Variants in AP1G1 observed in about 807,000 individuals in gnomAD.
AP1G1 encodes adaptor related protein complex 1 subunit gamma 1.
Under a neutral mutation model 108.3 loss-of-function variants are expected in AP1G1, and 7 were observed. The ratio of observed to expected loss-of-function variants is 0.06; its 90% CI spans 0.04 to 0.12. AP1G1 has a LOEUF of 0.12. AP1G1 is among the 10% of genes least tolerant of loss of function. The pLI, the probability that AP1G1 is intolerant of heterozygous loss-of-function variation, is 1.00. For missense variants in AP1G1, 756 were observed against 1,010.7 expected, an observed-to-expected ratio of 0.75 and a Z score of 3.42; for synonymous variants, 379 against 353.5, an observed-to-expected ratio of 1.07 and a Z score of -0.81.
chr16:71,777,765 C>T (rs1345736084), intron 2 of AP1G1: 15 of 444,196 alleles, frequency 3.4e-5, no homozygotes, highest in Non-Finnish European at 7.0e-5. Context: ...TGGCTTGCCT[C>T]CTCCTCCACC....
At chr16:71,772,786 G>T (rs574595302) in intron 4 of AP1G1, among the ~76,000 whole-genome samples, 1 of 152,134 alleles carries the variant, frequency 6.6e-6, no homozygotes, top group Non-Finnish European at 1.5e-5. Context: ...TCAGATAGAA[G>T]AATAATTCTC....
chr16:71,733,753 T>C (rs746771758), intron 22 of AP1G1, among the ~76,000 whole-genome samples: 24 of 152,194 alleles, frequency 1.6e-4, no homozygotes, highest in Non-Finnish European at 3.2e-4. Context: ...CATATACTCA[T>C]CGTACGCTCT....
At chr16:71,801,661 C>A (rs2032804706) in intron 1 of AP1G1, among the ~76,000 whole-genome samples, 1 of 152,128 alleles carries the variant, frequency 6.6e-6, no homozygotes, top group African/African-American at 2.4e-5. Context: ...CGCGGTGGGT[C>A]ACGCCTGTTA....
chr16:71,753,928 A>G, intron 12 of AP1G1, 41 bp from the exon 13 acceptor site: 1 of 1,585,044 alleles, frequency 6.3e-7, no homozygotes, highest in Non-Finnish European at 8.7e-7. Flanking sequence ...AACCAGTAAA[A>G]TATACCGTTT....
intron 7 of AP1G1, among the ~76,000 whole-genome samples, chr16:71,765,274 G>T (rs1223930014): frequency 1.3e-5 from 2 of 152,142 alleles, no homozygotes; most frequent in African/African-American, 4.8e-5. Context: ...CTGCAGTGAG[G>T]CAAGATTGTG....
In AP1G1 at chr16:71,764,689, T is replaced by C. The variant is rs2031241825; in HGVS notation, c.776A>G (p.Asn259Ser). The part of the protein sequence containing the change: ...ILRLLRILGR[N>S]DDDSSEAMND... Reference sequence around the variant, plus strand: ...CATAGCTTCACTTGAATCATCATCATTTCGTCCTAAAATTCTTAATAACCG... The same window carrying C: ...CATAGCTTCACTTGAATCATCATCACTTCGTCCTAAAATTCTTAATAACCG... Residue 259 changes from asparagine to serine, a missense_variant, in exon 8 of 23, where the codon AAT (asparagine) becomes AGT (serine). By Grantham distance (46) the Asn-to-Ser change is conservative. This residue lies in a region of AP1G1 where 304 missense variants were observed against 483.6 expected (regional missense o/e 0.63). Transcript: ENST00000299980. 6.2e-7 allele frequency: 1 copy of C among 1,611,872 alleles called. No individual in the cohort carries two copies. The highest frequency in any genetic ancestry group is 8.5e-7 in the Non-Finnish European group (1 of 1,179,432).
intron 19 of AP1G1, chr16:71,742,594 A>T (rs1056178734): frequency 2.6e-5 from 4 of 152,224 alleles, no homozygotes; most frequent in Non-Finnish European, 1.5e-5. Flanking sequence ...TAAGTCACTT[A>T]GTCTAACAAA....
chr16:71,792,411 G>C (rs1365452460), intron 1 of AP1G1, among the ~76,000 whole-genome samples: 3 of 152,106 alleles, frequency 2.0e-5, no homozygotes, highest in Non-Finnish European at 2.9e-5. Flanking sequence ...TTCTACCCTA[G>C]ATATATAAGA....
intron 12 of AP1G1, among the ~76,000 whole-genome samples, chr16:71,754,413 T>C (rs1044387257): frequency 6.6e-6 from 1 of 152,152 alleles, no homozygotes; most frequent in Non-Finnish European, 1.5e-5. Context: ...TGTCCTACAG[T>C]CTTTTCTAGG....
intron 13 of AP1G1, among the ~76,000 whole-genome samples, chr16:71,750,835 A>T (rs940289696): frequency 2.6e-5 from 4 of 152,162 alleles, no homozygotes; most frequent in East Asian, 1.9e-4. Context: ...TTACATTTTT[A>T]AATTTTATTT....
At chr16:71,787,595 C>G (rs1271789394) in intron 2 of AP1G1, among the ~76,000 whole-genome samples, 1 of 152,188 alleles carries the variant, frequency 6.6e-6, no homozygotes, top group African/African-American at 2.4e-5. Context: ...AGTCTTCTCC[C>G]TCACTAGACT....
In AP1G1 at chr16:71,746,647, C is replaced by G; in HGVS notation, c.1671G>C (p.Val557=). The change falls in exon 17 of 23, where the codon GTG becomes GTC. Residue 557 remains valine (V), a synonymous_variant. Coordinates refer to ENST00000299980, the MANE Select transcript of AP1G1 (RefSeq NM_001128.6). Reference sequence around the variant, plus strand: ...ATTCTACTGCCCTCTGCTGGAGTTCCACATCAATGCTGCTTCCGTAGATGG... The same window carrying G: ...ATTCTACTGCCCTCTGCTGGAGTTCGACATCAATGCTGCTTCCGTAGATGG... ...VVSIYGSSID[V]ELQQRAVEYN... 2 of 1,613,316 alleles carry G rather than the reference C, an allele frequency of 1.2e-6. No homozygotes were observed. The highest frequency in any genetic ancestry group is 1.7e-6 in the Non-Finnish European group (2 of 1,179,746).
intron 10 of AP1G1, among the ~76,000 whole-genome samples, chr16:71,761,117 T>C (rs953661162): frequency 1.3e-5 from 2 of 152,186 alleles, no homozygotes; most frequent in South Asian, 4.1e-4. Flanking sequence ...AATATTTTTT[T>C]CATACTAGCT....
chr16:71,759,759 CAA>C (rs920720482), intron 10 of AP1G1, among the ~76,000 whole-genome samples: 1 of 135,608 alleles, frequency 7.4e-6, no homozygotes. Context: ...GACTCTGTCT[CAA>C]AAAAAAAAAA....
intron 2 of AP1G1, chr16:71,777,970 C>A: frequency 5.6e-6 from 1 of 178,030 alleles, no homozygotes; most frequent in Non-Finnish European, 1.2e-5. Flanking sequence ...TCAGTCGGGT[C>A]AAGTTTTAAG....
chr16:71,745,895 A>C (rs932878040), intron 17 of AP1G1, among the ~76,000 whole-genome samples: 1 of 152,234 alleles, frequency 6.6e-6, no homozygotes, highest in African/African-American at 2.4e-5. Context: ...GTAAATCCAT[A>C]GGTATTAACA....
chr16:71,744,765 G>A (rs557093990), intron 19 of AP1G1, among the ~76,000 whole-genome samples: 24 of 152,024 alleles, frequency 1.6e-4, no homozygotes, highest in Admixed American at 5.9e-4. Context: ...TAGTAGAGAT[G>A]GCGTTTCACC....
rs2030865700 is a variant in AP1G1 at position 71,757,549 on chromosome 16, T to A, written c.1088+1259A>T. 2.6e-5 allele frequency among the ~76,000 whole-genome samples: 4 copies of A among 152,234 alleles called. No homozygotes were observed. The South Asian group carries it at 8.3e-4, about 31-fold the overall frequency. ...AGATATAATAACTTTTATAGGGTGC[T>A]TATGTAATTTACATATATTAATTCA... On this transcript the variant is annotated intron_variant, in intron 11 of 22. Transcript: ENST00000299980.
chr16:71,732,969 C>A lies in AP1G1; in HGVS notation c.*89G>T. On this transcript the variant is annotated 3_prime_UTR_variant, in exon 23 of 23. Coordinates refer to ENST00000299980, the MANE Select transcript of AP1G1 (RefSeq NM_001128.6). ...TCTTCAGCTCCTCATGCCCGTGGTA[C>A]AGTTGGGGGGGACTTGCCAGCAATC... The A allele has an allele frequency of 1.0e-6, 1 of 998,850 alleles. No homozygotes were observed. The allele number at this position is 998,850 out of a possible 1,614,324, so 61.9% of individuals were successfully genotyped here.
Sources: allele counts gnomAD v4.1 joint callset (sites outside exome capture counted in the v4.1 genomes callset), GRCh38; gene constraint gnomAD v4.1.1; regional missense constraint gnomAD v4.1.1; transcripts MANE v1.5; gene names NCBI Gene and HGNC (gene_info 2026-07-23, HGNC 2026-07-21).